FAM161A: variants seen among roughly 807,000 people sequenced by gnomAD.
FAM161A encodes the protein protein FAM161A.
A neutral mutation model predicts 70.9 loss-of-function variants in FAM161A; 57 were observed. The observed-to-expected ratio is 0.80, with a 90% CI of 0.65 to 1.00. FAM161A has a LOEUF of 1.00. Among genes scored for constraint, FAM161A ranks in the 50% least tolerant of loss-of-function variants. The pLI is 0.00. For synonymous variants in FAM161A, 299 were observed against 295.7 expected, an observed-to-expected ratio of 1.01 and a Z score of -0.12; for missense variants, 880 against 836.0, an observed-to-expected ratio of 1.05 and a Z score of -0.65.
the FAM161A span, among the ~76,000 whole-genome samples, chr2:61,810,142 T>G: frequency 2.0e-5 from 3 of 152,250 alleles, no homozygotes; most frequent in South Asian, 6.2e-4. Flanking sequence ...TAAACCACTA[T>G]GTTTTGGGGG....
rs922365275 is a variant in FAM161A, at chr2:61,825,794, C to T, written c.*661G>A. The stretch of plus-strand genomic sequence containing the variant: ...CTGGGACTACAGGCGCCCACCACCA[C>T]GCCTGGCTAATTTTTTGTATTTTTA... On this transcript the variant is annotated 3_prime_UTR_variant, in exon 7 of 7. Transcript: ENST00000404929. The T allele has an allele frequency of 3.3e-5, 14 of 419,256 alleles. 1 individual carries two copies. Among genetic ancestry groups the T allele is most frequent in the Admixed American group, 2.0e-4 (7 of 35,686 alleles). 26.0% of individuals were successfully genotyped at this position (419,256 alleles called of 1,614,324 possible). A position where few individuals can be genotyped will look rare whatever the true frequency, so the allele number is the denominator to read the frequency against.
At chr2:61,849,447 C>T (rs868337805) in intron 1 of FAM161A, among the ~76,000 whole-genome samples, 1 of 151,462 alleles carries the variant, frequency 6.6e-6, no homozygotes, top group African/African-American at 2.4e-5. Context: ...TGAGACCACC[C>T]TGGGCAACAT....
At chr2:61,808,881 C>CA in the FAM161A span, among the ~76,000 whole-genome samples, 1 of 148,620 alleles carries the variant, frequency 6.7e-6, no homozygotes, top group Admixed American at 6.7e-5. Context: ...GTAATGTTGA[C>CA]TTTTTTTTTT....
In FAM161A at chr2:61,839,710, C is replaced by T; in HGVS notation, c.1294G>A (p.Glu432Lys). The T allele has an allele frequency of 6.2e-7, 1 of 1,614,162 alleles. No individual in the cohort carries two copies. The highest frequency in any genetic ancestry group is 8.5e-7 in the Non-Finnish European group (1 of 1,180,038). ...TTCTGGTATCTCTCAGGAAGGTCCTCAAAATCAGGAGTTGGGCACCTAACC... is the reference window on the plus strand; with the variant it reads ...TTCTGGTATCTCTCAGGAAGGTCCTTAAAATCAGGAGTTGGGCACCTAACC... ...HKVRCPTPDFEDLPERYQKHL... is the reference protein window; with the variant it reads ...HKVRCPTPDFKDLPERYQKHL... The change falls in exon 3 of 7, where the codon GAG becomes AAG. Residue 432 changes from glutamate to lysine, a missense_variant. Glu to Lys is a moderately conservative substitution (Grantham distance 56, BLOSUM62 1). Transcript: ENST00000404929.
chr2:61,815,115 T>C, the FAM161A span, among the ~76,000 whole-genome samples: 1 of 152,164 alleles, frequency 6.6e-6, no homozygotes, highest in Non-Finnish European at 1.5e-5. Flanking sequence ...GGAGCAACCT[T>C]GGGTCAATTC....
chr2:61,803,418 G>A, the FAM161A span: 1 of 684,528 alleles, frequency 1.5e-6, no homozygotes, highest in East Asian at 2.7e-5. Flanking sequence ...ACAGAATGGA[G>A]AAAGTCAGGG....
At chr2:61,832,696 G>T (rs1293186897) in intron 5 of FAM161A, among the ~76,000 whole-genome samples, 1 of 152,186 alleles carries the variant, frequency 6.6e-6, no homozygotes, top group African/African-American at 2.4e-5. Context: ...TTCATAGGAG[G>T]GTGACCCCTA....
downstream of FAM161A, among the ~76,000 whole-genome samples, chr2:61,821,769 TTTA>T (rs571469343): frequency 3.5e-4 from 53 of 151,750 alleles, 1 homozygote; most frequent in African/African-American, 1.1e-3. Flanking sequence ...TTTTATTTTA[TTTA>T]TTATTATTAT....
the FAM161A span, among the ~76,000 whole-genome samples, chr2:61,807,201 A>G: frequency 6.6e-6 from 1 of 152,082 alleles, no homozygotes; most frequent in African/African-American, 2.4e-5. Context: ...ACTCAAACTC[A>G]TCAGGTAACA....
chr2:61,847,109 C>T (rs187025870), intron 1 of FAM161A: 183 of 332,226 alleles, frequency 5.5e-4, no homozygotes, highest in Non-Finnish European at 1.0e-3. Context: ...TTGCAGTGAA[C>T]CAAGATCGCA....
At chr2:61,804,812 A>AAG in the FAM161A span, among the ~76,000 whole-genome samples, 1 of 149,570 alleles carries the variant, frequency 6.7e-6, no homozygotes, top group Non-Finnish European at 1.5e-5. Flanking sequence ...GAAAGAAAGA[A>AAG]AGAAAGAGAA....
chr2:61,809,314 C>G, the FAM161A span, among the ~76,000 whole-genome samples: 605 of 152,284 alleles, frequency 4.0e-3, 2 homozygotes, highest in African/African-American at 0.013. Flanking sequence ...GGGGCTCAGC[C>G]TTCTGACCTC....
chr2:61,842,458 G>C (rs1195790390), intron 1 of FAM161A, 98 bp from the exon 2 acceptor site: 7 of 713,076 alleles, frequency 9.8e-6, no homozygotes, highest in Non-Finnish European at 1.7e-5. Flanking sequence ...AGTCCACCTA[G>C]TTAGGTTATA....
At chr2:61,822,166 C>T (rs1672215845), downstream of FAM161A, among the ~76,000 whole-genome samples, 1 of 151,980 alleles carries the variant, frequency 6.6e-6, no homozygotes, top group Non-Finnish European at 1.5e-5. Context: ...CACAGTGGCT[C>T]ACACCTGTAA....
At chr2:61,801,979 C>A in the FAM161A span, among the ~76,000 whole-genome samples, 1 of 152,204 alleles carries the variant, frequency 6.6e-6, no homozygotes, top group Non-Finnish European at 1.5e-5. Context: ...CACATCTCTT[C>A]ATTTGTAAAA....
At chr2:61,840,681 C>CAGA in intron 2 of FAM161A, 100 bp from the exon 3 acceptor site, 3 of 915,038 alleles carry the variant, frequency 3.3e-6, no homozygotes, top group Non-Finnish European at 5.1e-6. Flanking sequence ...GACAGAGTCT[C>CAGA]ACTCTGTTGC....
intron 5 of FAM161A, among the ~76,000 whole-genome samples, chr2:61,831,897 A>G (rs952965117): frequency 2.0e-5 from 3 of 152,206 alleles, no homozygotes; most frequent in African/African-American, 7.2e-5. Context: ...AGGCTAAAAA[A>G]GAGAAAAAGG....
chr2:61,830,683 C>CA (rs10633119), intron 5 of FAM161A, among the ~76,000 whole-genome samples: 20,726 of 82,058 alleles, frequency 0.25, 3,275 homozygotes, highest in Middle Eastern at 0.34. Context: ...GACCCTGTCT[C>CA]AAAAAAAAAA....
Position 61,838,623 on chromosome 2 carries a change from G to A in FAM161A, c.1666C>T (p.Gln556Ter), listed in dbSNP as rs186972495. The A allele has an allele frequency of 1.3e-5, 21 of 1,611,804 alleles. No homozygotes were observed. The highest frequency in any genetic ancestry group is 1.7e-5 in the Non-Finnish European group (20 of 1,179,400). Residue 556 changes from glutamine to a stop codon, truncating the protein, a stop_gained, in exon 4 of 7, where the codon CAG becomes TAG. Transcript: ENST00000404929. LOFTEE classifies it high-confidence loss of function. The stretch of plus-strand genomic sequence containing the variant: ...TTAGCCCGGGTTGTCAGGAGTTTCT[G>A]CAATTCTTTCATTCTTTGCTTCTGT... The part of the protein sequence containing the change: ...TKQKQRMKEL[Q>*]KLLTTRAKAY...
Sources: gnomAD v4.1 joint callset for allele counts (sites outside exome capture counted in the v4.1 genomes callset) on GRCh38, gnomAD v4.1.1 for gene constraint, MANE v1.5 for transcripts, NCBI Gene and HGNC (gene_info 2026-07-23, HGNC 2026-07-21) for gene names.